Variants in RYR2 observed in about 807,000 individuals in gnomAD.
The protein encoded by RYR2 is ryanodine receptor 2, also known as cardiac muscle ryanodine receptor-calcium release channel.
A neutral mutation model predicts 601.1 loss-of-function variants in RYR2; 227 were observed. The ratio of observed to expected loss-of-function variants is 0.38; its 90% CI spans 0.34 to 0.42. The LOEUF is 0.42. Ranked by LOEUF, RYR2 falls within the 10% of genes least tolerant of loss-of-function variation. The pLI is 1.00. For synonymous variants in RYR2, 2,223 were observed against 2,175.1 expected, an observed-to-expected ratio of 1.02 and a Z score of -0.61; for missense variants, 4,646 against 6,156.5, an observed-to-expected ratio of 0.75 and a Z score of 8.21.
intron 11 of RYR2, 50 bp downstream of exon 11, chr1:237,417,173 C>A: frequency 7.1e-7 from 1 of 1,407,454 alleles, no homozygotes; most frequent in Non-Finnish European, 1.0e-6. Flanking sequence ...TACCAAATAG[C>A]TCAGCGTTGT....
At chr1:237,692,618 T>C (rs1687047453) in intron 63 of RYR2, among the ~76,000 whole-genome samples, 1 of 152,184 alleles carries the variant, frequency 6.6e-6, no homozygotes, top group Non-Finnish European at 1.5e-5. Flanking sequence ...CTCTTGAATG[T>C]GTTAGATTCC....
chr1:237,385,084 T>A (rs887372410), intron 8 of RYR2, among the ~76,000 whole-genome samples: 1 of 151,920 alleles, frequency 6.6e-6, no homozygotes, highest in Non-Finnish European at 1.5e-5. Context: ...AGAGACAGGG[T>A]TTCACCATGT....
intron 98 of RYR2, among the ~76,000 whole-genome samples, chr1:237,803,420 C>T (rs904975858): frequency 1.3e-5 from 2 of 152,092 alleles, no homozygotes; most frequent in Non-Finnish European, 2.9e-5. Context: ...TCTGCCTCAG[C>T]CTCCTGAGTA....
intron 63 of RYR2, among the ~76,000 whole-genome samples, chr1:237,687,794 G>T (rs953631157): frequency 6.6e-6 from 1 of 152,116 alleles, no homozygotes; most frequent in Non-Finnish European, 1.5e-5. Flanking sequence ...TTTTATCTCA[G>T]GGGTAAAAAC....
intron 84 of RYR2, among the ~76,000 whole-genome samples, chr1:237,764,546 T>C (rs2149289543): frequency 6.6e-6 from 1 of 151,878 alleles, no homozygotes. Context: ...CTTCCCGGGT[T>C]CAAGCGATTC....
chr1:237,060,471 A>G (rs956380790), intron 1 of RYR2, among the ~76,000 whole-genome samples: 1 of 152,352 alleles, frequency 6.6e-6, no homozygotes, highest in East Asian at 1.9e-4. Flanking sequence ...GTACAGCTTG[A>G]TGAATATTTG....
At chr1:237,359,600 A>G (rs556040489) in intron 4 of RYR2, among the ~76,000 whole-genome samples, 80 of 152,268 alleles carry the variant, frequency 5.3e-4, no homozygotes, top group African/African-American at 1.8e-3. Flanking sequence ...GGATAGTTTC[A>G]TCAAAGGTCC....
chr1:237,586,563 G>T (rs1183659173), intron 29 of RYR2, among the ~76,000 whole-genome samples: 4 of 152,130 alleles, frequency 2.6e-5, no homozygotes, highest in Non-Finnish European at 5.9e-5. Context: ...TTAGAACTCT[G>T]TGTTTTTAAT....
chr1:237,732,855 G>GC (rs1224443822), intron 78 of RYR2, among the ~76,000 whole-genome samples: 2 of 152,216 alleles, frequency 1.3e-5, no homozygotes, highest in African/African-American at 4.8e-5. Context: ...AGCCTGTTTT[G>GC]CCCCCAGGCC....
intron 2 of RYR2, among the ~76,000 whole-genome samples, chr1:237,278,242 T>C (rs550996699): frequency 3.2e-4 from 44 of 138,404 alleles, no homozygotes; most frequent in Non-Finnish European, 5.6e-4. Context: ...AGCTAATTTT[T>C]GTATTTTTTT....
chr1:237,494,980 G>T (rs534013555), intron 19 of RYR2, among the ~76,000 whole-genome samples: 1 of 151,932 alleles, frequency 6.6e-6, no homozygotes, highest in Non-Finnish European at 1.5e-5. Flanking sequence ...TAGTAGAGAC[G>T]GGGTTTCACC....
At chr1:237,091,135 G>C (rs995803470) in intron 1 of RYR2, among the ~76,000 whole-genome samples, 3 of 152,094 alleles carry the variant, frequency 2.0e-5, no homozygotes, top group African/African-American at 7.2e-5. Context: ...TGAAAATGTG[G>C]CTTGGGACAT....
chr1:237,534,595 A>G (rs1029622267), intron 25 of RYR2, among the ~76,000 whole-genome samples: 1 of 151,984 alleles, frequency 6.6e-6, no homozygotes, highest in African/African-American at 2.4e-5. Flanking sequence ...ATAACAAATC[A>G]TGACACACTT....
At chr1:237,508,181 G>A (rs1018788005) in intron 23 of RYR2, among the ~76,000 whole-genome samples, 3 of 151,942 alleles carry the variant, frequency 2.0e-5, no homozygotes, top group Non-Finnish European at 4.4e-5. Context: ...GGCTGGTCTC[G>A]AACTCCTGAC....
chr1:237,805,993 T>C (rs1430185117), intron 98 of RYR2, 144 bp from the exon 99 acceptor site: 1 of 658,758 alleles, frequency 1.5e-6, no homozygotes, highest in African/African-American at 1.8e-5. Flanking sequence ...TTTACTTCCA[T>C]GAGATTAACT....
chr1:237,469,837 G>A (rs1660509021), intron 17 of RYR2, among the ~76,000 whole-genome samples: 1 of 152,094 alleles, frequency 6.6e-6, no homozygotes, highest in Non-Finnish European at 1.5e-5. Context: ...ATATTTATAG[G>A]CAGTCAACCC....
intron 1 of RYR2, among the ~76,000 whole-genome samples, chr1:237,217,801 T>G (rs1445790252): frequency 1.3e-5 from 2 of 152,198 alleles, no homozygotes; most frequent in Non-Finnish European, 2.9e-5. Flanking sequence ...ACCCTGAGTA[T>G]GCCCCAAGAA....
At chr1:237,400,885 A>G (rs1345316358) in intron 10 of RYR2, among the ~76,000 whole-genome samples, 2 of 152,218 alleles carry the variant, frequency 1.3e-5, no homozygotes, top group Non-Finnish European at 2.9e-5. Context: ...TGAAGGGCTT[A>G]GAAGTGAAGC....
chr1:237,809,146 A>G, intron 100 of RYR2, 111 bp downstream of exon 100: 1 of 1,031,264 alleles, frequency 9.7e-7, no homozygotes, highest in Non-Finnish European at 1.4e-6. Context: ...AGTCTAAACA[A>G]ATAAAAAGTT....
Sources: gnomAD v4.1 joint callset for allele counts (sites outside exome capture counted in the v4.1 genomes callset) on GRCh38, gnomAD v4.1.1 for gene constraint, MANE v1.5 for transcripts, NCBI Gene and HGNC (gene_info 2026-07-23, HGNC 2026-07-21) for gene names.